RAF1: variants seen among roughly 807,000 people sequenced by gnomAD.
RAF1 encodes Raf-1 proto-oncogene, serine/threonine kinase.
RAF1 carries 27 observed loss-of-function variants against 81.1 expected under a neutral mutation model. The observed-to-expected ratio is 0.33, with a 90% confidence interval of 0.25 to 0.46. The LOEUF (loss-of-function observed/expected upper bound fraction) is 0.46. Among genes scored for constraint, RAF1 ranks in the 20% least tolerant of loss-of-function variants. The pLI is 1.00. For synonymous variants in RAF1, 298 were observed against 294.0 expected (o/e 1.01, Z -0.14); for missense variants, 598 against 826.0 (o/e 0.72, Z 3.38).
At chr3:12,613,344 T>C (rs2059273592) in intron 2 of RAF1, among the ~76,000 whole-genome samples, 1 of 152,170 alleles carries the variant, frequency 6.6e-6, no homozygotes, top group Non-Finnish European at 1.5e-5. Flanking sequence ...GCTTGTGAAC[T>C]GCCTACCAGG....
At chr3:12,617,633 C>T (rs1447227101) in intron 2 of RAF1, among the ~76,000 whole-genome samples, 1 of 151,928 alleles carries the variant, frequency 6.6e-6, no homozygotes, top group Non-Finnish European at 1.5e-5. Context: ...TGTTGGTAAT[C>T]CCAGCAGTTT....
At position 12,626,098 on chromosome 3, in the gene RAF1, T is replaced by A. The variant is rs543456485; in HGVS notation, c.-26-7351A>T. ...CTGGCTAACATAGTGAAACCCTATTTCTACTAAAAATACAAAAAATTAGCC... is the reference window on the plus strand; with the variant it reads ...CTGGCTAACATAGTGAAACCCTATTACTACTAAAAATACAAAAAATTAGCC... On this transcript the variant is annotated intron_variant, in intron 1 of 17. Coordinates refer to ENST00000442415, the MANE Select transcript of RAF1 (RefSeq NM_001354689.3). Among the ~76,000 whole-genome samples, 43 of 151,238 alleles carry A rather than the reference T, an allele frequency of 2.8e-4. 1 individual carries two copies. Among genetic ancestry groups the A allele is most frequent in the African/African-American group, 1.0e-3 (41 of 41,190 alleles).
At chr3:12,607,179 C>CT (rs145291438) in intron 5 of RAF1, among the ~76,000 whole-genome samples, 2,219 of 152,156 alleles carry the variant, frequency 0.015, 32 homozygotes, top group Admixed American at 0.044. Flanking sequence ...AATTAGGCAC[C>CT]TTTTTTCCAT....
At chr3:12,609,115 A>G (rs2059129620) in intron 4 of RAF1, 118 bp downstream of exon 4, 4 of 1,043,550 alleles carry the variant, frequency 3.8e-6, no homozygotes, top group South Asian at 2.7e-5. Flanking sequence ...ACAACAGCAT[A>G]AAGAACTTTA....
At chr3:12,640,169 T>G (rs937499602) in intron 1 of RAF1, among the ~76,000 whole-genome samples, 2 of 150,954 alleles carry the variant, frequency 1.3e-5, no homozygotes, top group Non-Finnish European at 2.9e-5. Context: ...TAGCCATATG[T>G]AGAAACTGAA....
intron 13 of RAF1, chr3:12,590,492 T>C: frequency 5.3e-6 from 2 of 380,784 alleles, no homozygotes; most frequent in Non-Finnish European, 1.0e-5. Context: ...ACTTGGTTCA[T>C]TCTTGTATTT....
At chr3:12,599,594 A>C (rs911768793) in intron 11 of RAF1, 97 bp downstream of exon 10, 48 of 860,538 alleles carry the variant, frequency 5.6e-5, no homozygotes, top group Non-Finnish European at 9.1e-5. Flanking sequence ...CTATAAGCCC[A>C]GGAGCACTCA....
intron 15 of RAF1, 177 bp downstream of exon 14, chr3:12,585,504 G>A: frequency 1.1e-6 from 1 of 930,934 alleles, no homozygotes; most frequent in South Asian, 5.0e-5. Context: ...AAGCTTCACA[G>A]TGGTTCTGAT....
intron 1 of RAF1, among the ~76,000 whole-genome samples, chr3:12,657,768 C>CA (rs1164317182): frequency 0.014 from 1,833 of 126,842 alleles, 23 homozygotes; most frequent in African/African-American, 0.046. Flanking sequence ...CAAAACATCT[C>CA]AAAAAAAAAA....
intron 1 of RAF1, among the ~76,000 whole-genome samples, chr3:12,659,427 CAAAAAAA>C (rs71063859): frequency 2.1e-5 from 1 of 47,682 alleles, no homozygotes; most frequent in African/African-American, 9.0e-5. Flanking sequence ...GATTTCATCT[CAAAAAAA>C]AAAAAAAAAA....
At chr3:12,603,427 T>C in intron 8 of RAF1, 1 of 661,360 alleles carries the variant, frequency 1.5e-6, no homozygotes, top group Non-Finnish European at 2.8e-6. Context: ...CTGACAGTTT[T>C]AGCAATCCTG....
intron 1 of RAF1, among the ~76,000 whole-genome samples, chr3:12,646,340 G>A (rs1239710439): frequency 2.0e-5 from 3 of 151,682 alleles, no homozygotes; most frequent in South Asian, 4.1e-4. Flanking sequence ...AAAGAATTAA[G>A]ACAGGCAGAA....
At chr3:12,633,918 A>G (rs1024431875) in intron 1 of RAF1, among the ~76,000 whole-genome samples, 1 of 147,650 alleles carries the variant, frequency 6.8e-6, no homozygotes, top group African/African-American at 2.6e-5. Flanking sequence ...CAGGGCAACA[A>G]GAGTAAAAAC....
At chr3:12,603,222 C>G (rs887882376) in intron 8 of RAF1, among the ~76,000 whole-genome samples, 1 of 152,172 alleles carries the variant, frequency 6.6e-6, no homozygotes, top group African/African-American at 2.4e-5. Context: ...AACAGACATA[C>G]ACCGTCATGC....
chr3:12,588,027 G>T (rs1575538158), intron 13 of RAF1: 1 of 126,542 alleles, frequency 7.9e-6, no homozygotes, highest in African/African-American at 3.2e-5. Context: ...AGCTGGTCTT[G>T]ACTCCTGGGC....
At chr3:12,591,492 TCTC>T (rs1169010403) in intron 12 of RAF1, among the ~76,000 whole-genome samples, 2 of 152,114 alleles carry the variant, frequency 1.3e-5, no homozygotes, top group Non-Finnish European at 2.9e-5. Flanking sequence ...AGGAGGGTAT[TCTC>T]CTAAAAAGGG....
Position 12,584,007 on chromosome 3 carries a change from G to A in RAF1, c.*507C>T, listed in dbSNP as rs923551789. The A allele has an allele frequency of 3.2e-5, 8 of 250,704 alleles. No homozygotes were observed. The highest frequency in any genetic ancestry group is 3.9e-5 in the Non-Finnish European group (5 of 127,000). The allele number at this position is 250,704 out of a possible 1,614,324, so 15.5% of individuals were successfully genotyped here. ...AGTACCAAAGCAGGCTCCTTCGGGC[G>A]GCCAGAGTCTCGGCAGTCCTGGGCT... On this transcript the variant is annotated 3_prime_UTR_variant, in exon 18 of 18. Transcript: ENST00000442415.
chr3:12,621,751 C>T (rs2055312), intron 1 of RAF1, among the ~76,000 whole-genome samples: 64,062 of 152,008 alleles, frequency 0.42, 14,672 homozygotes, highest in East Asian at 0.89. Context: ...ATTAAATAAA[C>T]CATGTTAATA....
chr3:12,632,396 CTG>C, intron 1 of RAF1, among the ~76,000 whole-genome samples: 1 of 151,244 alleles, frequency 6.6e-6, no homozygotes, highest in East Asian at 1.9e-4. Context: ...CAATGGATCA[CTG>C]TCTGTTTTTT....
Sources: gnomAD v4.1 joint callset for allele counts (sites outside exome capture counted in the v4.1 genomes callset) on GRCh38, gnomAD v4.1.1 for gene constraint, MANE v1.5 for transcripts, NCBI Gene and HGNC (gene_info 2026-07-23, HGNC 2026-07-21) for gene names.